Variants in GOLGA8A observed in about 807,000 individuals in gnomAD.
The protein encoded by GOLGA8A is golgin A8 family member A, also known as golgin subfamily A member 8A.
A neutral mutation model predicts 22.1 loss-of-function variants in GOLGA8A; 3 were observed. That is an observed-to-expected ratio of 0.14 (90% confidence interval 0.06 to 0.35). GOLGA8A has a LOEUF of 0.35. Ranked by LOEUF, GOLGA8A falls within the 10% of genes least tolerant of loss-of-function variation. The pLI is 1.00. For synonymous variants in GOLGA8A, 7 were observed against 91.7 expected, an observed-to-expected ratio of 0.08 and a Z score of 5.28; for missense variants, 16 against 233.2, an observed-to-expected ratio of 0.07 and a Z score of 6.07.
At position 34,409,449 on chromosome 15, in the gene GOLGA8A, TCA is replaced by T. The variant is rs1488896918; in HGVS notation, c.-1122-1716_-1122-1715del. Among the ~76,000 whole-genome samples the T allele has an allele frequency of 2.1e-5, 3 of 140,068 alleles. No individual in the cohort carries two copies. The East Asian group carries it at 6.5e-4, about 30-fold the overall frequency. The allele number at this position is 140,068 out of a possible 152,430, so 91.9% of individuals were successfully genotyped here. On this transcript the variant is annotated intron_variant, in intron 2 of 24. Transcript: ENST00000359187. ...AATGAAAATCTTCAGCTATCATTTTTCACAGTGCTGTGGGAGAACGTGGTTGG... is the reference window on the plus strand; with the variant it reads ...AATGAAAATCTTCAGCTATCATTTTTCAGTGCTGTGGGAGAACGTGGTTGG...
chr15:34,431,491 G>C (rs1219756939), intron 2 of GOLGA8A, among the ~76,000 whole-genome samples: 1 of 147,600 alleles, frequency 6.8e-6, no homozygotes, highest in Non-Finnish European at 1.5e-5. Flanking sequence ...GAACATCATA[G>C]AACATACGTT....
chr15:34,429,724 C>T lies in GOLGA8A; in HGVS notation c.-1123+5659G>A, dbSNP rs76138781. Among the ~76,000 whole-genome samples the T allele has an allele frequency of 1.8e-3, 267 of 146,438 alleles. 24 individuals are homozygous for T. Among genetic ancestry groups the T allele is most frequent in the South Asian group, 0.011 (46 of 4,312 alleles). ...TCTCAGAAAATACCTACTGAGTACACGGCTGGATAGATGGACAGTGCTCCA... is the reference window on the plus strand; with the variant it reads ...TCTCAGAAAATACCTACTGAGTACATGGCTGGATAGATGGACAGTGCTCCA... On this transcript the variant is annotated intron_variant, in intron 2 of 24. Transcript: ENST00000359187.
rs562039062 is a variant in GOLGA8A at position 34,381,140 on chromosome 15, G to C, written c.*271C>G. ...GTGTGTTTGAACTCCCACCACGTAAGGGCAAACTCGATATGCATGCTAATG... is the reference window on the plus strand; with the variant it reads ...GTGTGTTTGAACTCCCACCACGTAACGGCAAACTCGATATGCATGCTAATG... On this transcript the variant is annotated 3_prime_UTR_variant, in exon 25 of 25. Transcript: ENST00000359187. The C allele has an allele frequency of 1.9e-5, 10 of 532,822 alleles. No individual in the cohort carries two copies. The South Asian group carries it at 2.1e-4, about 11-fold the overall frequency. 33.0% of individuals were successfully genotyped at this position (532,822 alleles called of 1,614,324 possible).
intron 2 of GOLGA8A, among the ~76,000 whole-genome samples, chr15:34,429,743 T>A (rs76215815): frequency 2.7e-5 from 4 of 146,812 alleles, no homozygotes; most frequent in South Asian, 4.6e-4. Context: ...AGATGGACAG[T>A]GCTCCAGGCA....
At chr15:34,427,978 G>C (rs969408299) in intron 2 of GOLGA8A, among the ~76,000 whole-genome samples, 1 of 148,844 alleles carries the variant, frequency 6.7e-6, no homozygotes, top group African/African-American at 2.5e-5. Context: ...ATGAACTACA[G>C]CATAATATTA....
chr15:34,437,029 C>T (rs1182525903), intron 1 of GOLGA8A, among the ~76,000 whole-genome samples: 3 of 149,070 alleles, frequency 2.0e-5, no homozygotes, highest in African/African-American at 7.4e-5. Context: ...GCACCAGCGG[C>T]CCGACCAGCC....
At position 34,436,573 on chromosome 15, in the gene GOLGA8A, A is replaced by T. The variant is rs192775257; in HGVS notation, c.-1212+825T>A. Among the ~76,000 whole-genome samples the T allele has an allele frequency of 2.1e-3, 322 of 150,260 alleles. 27 individuals carry two copies. Among genetic ancestry groups the T allele is most frequent in the Admixed American group, 5.5e-3 (83 of 14,984 alleles). On this transcript the variant is annotated intron_variant, in intron 1 of 24. Coordinates refer to ENST00000359187, the MANE Select transcript of GOLGA8A (RefSeq NM_181077.5). ...GCTCTGCTCTCCACTGGGGTGCTGC[A>T]GGACAGGCCCCTCCGCGGGCGTTCC...
rs1352928712 is a variant in GOLGA8A at position 34,411,424 on chromosome 15, G to A, written c.-1122-3689C>T. Reference sequence around the variant, plus strand: ...TTTTTTCTGAGAAGAATTCATGAATGTGTGTGTGTGTGTGTGTGTGTGTGT... The same window carrying A: ...TTTTTTCTGAGAAGAATTCATGAATATGTGTGTGTGTGTGTGTGTGTGTGT... On this transcript the variant is annotated intron_variant, in intron 2 of 24. Coordinates refer to ENST00000359187, the MANE Select transcript of GOLGA8A (RefSeq NM_181077.5). Among the ~76,000 whole-genome samples the A allele has an allele frequency of 2.2e-3, 24 of 11,024 alleles. 3 individuals are homozygous for A. The highest frequency in any genetic ancestry group is 6.8e-3 in the Non-Finnish European group (15 of 2,220). The allele number at this position is 11,024 out of a possible 152,430, so 7.2% of individuals were successfully genotyped here. A position where few individuals can be genotyped will look rare whatever the true frequency, so the allele number is the denominator to read the frequency against.
Position 34,418,130 on chromosome 15 carries a change from T to TTAAAAAAA in GOLGA8A, c.-1122-10396_-1122-10395insTTTTTTTA, listed in dbSNP as rs756695001. On this transcript the variant is annotated intron_variant, in intron 2 of 24. Coordinates refer to ENST00000359187, the MANE Select transcript of GOLGA8A (RefSeq NM_181077.5). ...TTAGTTGTAGTAACTGTAGATTCTT[T>TTAAAAAAA]AAAAAAAAAAAAAAAAAGGATTGCT... is the stretch of plus-strand genomic sequence containing the variant. The TTAAAAAAA allele has an allele frequency of 3.4e-3, 213 of 62,686 alleles. 2 individuals carry two copies. The highest frequency in any genetic ancestry group is 0.026 in the Middle Eastern group (4 of 152). 3.9% of individuals were successfully genotyped at this position (62,686 alleles called of 1,614,324 possible). A position where few individuals can be genotyped will look rare whatever the true frequency, so the allele number is the denominator to read the frequency against.
intron 2 of GOLGA8A, among the ~76,000 whole-genome samples, chr15:34,429,121 C>T (rs1258553637): frequency 6.8e-6 from 1 of 146,296 alleles, no homozygotes; most frequent in Non-Finnish European, 1.5e-5. Flanking sequence ...CATACCTCCC[C>T]ACACCCTCCT....
chr15:34,424,596 G>A (rs1233508841), intron 2 of GOLGA8A, among the ~76,000 whole-genome samples: 1 of 137,370 alleles, frequency 7.3e-6, no homozygotes, highest in Non-Finnish European at 1.6e-5. Context: ...GACAACAGCA[G>A]CAGAAGTGAG....
chr15:34,429,079 A>C (rs1595667655), intron 2 of GOLGA8A, among the ~76,000 whole-genome samples: 2 of 126,662 alleles, frequency 1.6e-5, no homozygotes, highest in African/African-American at 6.2e-5. Context: ...TCCTCACTGC[A>C]CCCCTCCCCA....
At chr15:34,434,805 C>T (rs1439698545) in intron 2 of GOLGA8A, among the ~76,000 whole-genome samples, 2 of 149,524 alleles carry the variant, frequency 1.3e-5, no homozygotes, top group South Asian at 4.3e-4. Context: ...CCTACCTGTG[C>T]CTCCACGTCC....
At chr15:34,423,343 C>T (rs1055898966) in intron 2 of GOLGA8A, among the ~76,000 whole-genome samples, 1 of 127,036 alleles carries the variant, frequency 7.9e-6, no homozygotes, top group East Asian at 2.3e-4. Flanking sequence ...TCAGTACCTT[C>T]ATGCAAAAGG....
intron 2 of GOLGA8A, chr15:34,420,047 G>GT (rs1443260239): frequency 6.7e-6 from 1 of 148,754 alleles, no homozygotes; most frequent in Non-Finnish European, 1.5e-5. Context: ...GCACAACACT[G>GT]TGAGTGTATT....
rs748666918 is a variant in GOLGA8A at position 34,386,584 on chromosome 15, G to A, written c.285+41C>T. On this transcript the variant is annotated intron_variant, in intron 12 of 24. Transcript: ENST00000359187. ...GCCCCAAGAGGAAACCGGAGCCCAG[G>A]ATTGGCAGCGTGGAATCAGGGGACC... is the stretch of plus-strand genomic sequence containing the variant. 6 of 1,404,966 alleles carry A rather than the reference G, an allele frequency of 4.3e-6. 1 individual carries two copies. Among genetic ancestry groups the A allele is most frequent in the Non-Finnish European group, 5.7e-6 (6 of 1,048,814 alleles). 87.0% of individuals were successfully genotyped at this position (1,404,966 alleles called of 1,614,324 possible). A position where few individuals can be genotyped will look rare whatever the true frequency, so the allele number is the denominator to read the frequency against.
chr15:34,417,511 G>A (rs1236232159), intron 2 of GOLGA8A: 1 of 132,634 alleles, frequency 7.5e-6, no homozygotes, highest in Admixed American at 8.2e-5. Context: ...AGCATAAAGA[G>A]CTACTTTGTT....
At chr15:34,436,855 G>T (rs1439610713) in intron 1 of GOLGA8A, among the ~76,000 whole-genome samples, 1 of 149,946 alleles carries the variant, frequency 6.7e-6, no homozygotes, top group African/African-American at 2.5e-5. Context: ...CAAGGTGTGG[G>T]GTTTTTGAGT....
At chr15:34,418,147 AGG>A (rs1892651306) in intron 2 of GOLGA8A, 1 of 93,442 alleles carries the variant, frequency 1.1e-5, no homozygotes, top group African/African-American at 3.6e-5. Context: ...AAAAAAAAAA[AGG>A]ATTGCTTCAT....
Sources: gnomAD v4.1 joint callset for allele counts (sites outside exome capture counted in the v4.1 genomes callset) on GRCh38, gnomAD v4.1.1 for gene constraint, MANE v1.5 for transcripts, NCBI Gene and HGNC (gene_info 2026-07-23, HGNC 2026-07-21) for gene names.